Variants in NBAS observed in about 807,000 individuals in gnomAD.
NBAS encodes NBAS subunit of NRZ tethering complex, also known as NAG/BC035112 fusion.
A neutral mutation model predicts 302.5 loss-of-function variants in NBAS; 219 were observed. The ratio of observed to expected loss-of-function variants is 0.72; its 90% confidence interval spans 0.65 to 0.81. NBAS has a LOEUF of 0.81. NBAS is among the 30% of genes least tolerant of loss of function. NBAS has a pLI of 0.00. For missense variants in NBAS, 2,932 were observed against 2,841.6 expected, an observed-to-expected ratio of 1.03 and a Z score of -0.72; for synonymous variants, 1,118 against 1,021.6, an observed-to-expected ratio of 1.09 and a Z score of -1.80.
intron 14 of NBAS, among the ~76,000 whole-genome samples, chr2:15,475,170 A>C (rs1242246779): frequency 6.6e-6 from 1 of 152,214 alleles, no homozygotes; most frequent in Non-Finnish European, 1.5e-5. Context: ...ACTTCAGAGT[A>C]AAAAATATGT....
intron 25 of NBAS, among the ~76,000 whole-genome samples, chr2:15,414,924 G>GA (rs1178648050): frequency 6.6e-6 from 1 of 152,108 alleles, no homozygotes; most frequent in Non-Finnish European, 1.5e-5. Context: ...CAGCCTGGCC[G>GA]AAAGAGCGAG....
At chr2:15,201,932 G>C (rs531823331) in intron 48 of NBAS, among the ~76,000 whole-genome samples, 1 of 152,260 alleles carries the variant, frequency 6.6e-6, no homozygotes, top group African/African-American at 2.4e-5. Flanking sequence ...GTCCTGACCA[G>C]GAAGAAAGAG....
At chr2:15,205,612 A>T (rs1272125573) in intron 48 of NBAS, among the ~76,000 whole-genome samples, 1 of 152,176 alleles carries the variant, frequency 6.6e-6, no homozygotes, top group Non-Finnish European at 1.5e-5. Context: ...CAGGAGTTGG[A>T]TTGGCTCTGT....
chr2:15,196,897 C>T (rs528473889), intron 48 of NBAS, among the ~76,000 whole-genome samples: 1 of 152,238 alleles, frequency 6.6e-6, no homozygotes, highest in East Asian at 1.9e-4. Flanking sequence ...ACAGATGGGT[C>T]TGTATTTGGT....
At position 15,475,871 on chromosome 2, in the gene NBAS, G is replaced by T. The variant is rs748676662; in HGVS notation, c.1157C>A (p.Ser386Tyr). 1 of 1,612,962 alleles carries T rather than the reference G, an allele frequency of 6.2e-7. No individual in the cohort carries two copies. Among genetic ancestry groups the T allele is most frequent in the Non-Finnish European group, 8.5e-7 (1 of 1,179,222 alleles). Reference sequence around the variant, plus strand: ...ATTGACATCTATCAGTGGGTAAAAGGACTCTTTATCTAAGAAGCGAAAAAC... The same window carrying T: ...ATTGACATCTATCAGTGGGTAAAAGTACTCTTTATCTAAGAAGCGAAAAAC... Reference protein sequence around the residue: ...EKRKKIKDKESFYPLIDVNWW... With the variant: ...EKRKKIKDKEYFYPLIDVNWW... Residue 386 changes from serine to tyrosine, a missense_variant, in exon 14 of 52, where the codon TCC becomes TAC. Ser to Tyr is a moderately radical substitution (Grantham distance 144). Coordinates refer to ENST00000281513, the MANE Select transcript of NBAS (RefSeq NM_015909.4).
chr2:14,855,496 G>T, the NBAS span, among the ~76,000 whole-genome samples: 1 of 152,040 alleles, frequency 6.6e-6, no homozygotes, highest in South Asian at 2.1e-4. Context: ...TTCACTCTTG[G>T]ATGGCATTTC....
At chr2:15,526,777 T>C (rs1397202467) in intron 9 of NBAS, among the ~76,000 whole-genome samples, 1 of 152,094 alleles carries the variant, frequency 6.6e-6, no homozygotes, top group East Asian at 1.9e-4. Flanking sequence ...ATATCAAACT[T>C]TCCAGATGTT....
the NBAS span, among the ~76,000 whole-genome samples, chr2:14,920,778 C>G: frequency 2.6e-5 from 4 of 152,250 alleles, no homozygotes; most frequent in South Asian, 8.3e-4. Flanking sequence ...CCTCTCTGAG[C>G]CTTCATAGAA....
chr2:15,358,843 G>T (rs542067355), intron 32 of NBAS, among the ~76,000 whole-genome samples: 4 of 152,160 alleles, frequency 2.6e-5, no homozygotes, highest in East Asian at 1.9e-4. Context: ...TTAAATTTTT[G>T]ACTTTTTTTC....
intron 44 of NBAS, among the ~76,000 whole-genome samples, chr2:15,266,413 C>T (rs1669078881): frequency 6.6e-6 from 1 of 152,060 alleles, no homozygotes; most frequent in Non-Finnish European, 1.5e-5. Flanking sequence ...TGTCTGCTTT[C>T]CCAGTCTCCT....
At chr2:15,289,916 C>G (rs1287180785) in intron 41 of NBAS, among the ~76,000 whole-genome samples, 1 of 152,050 alleles carries the variant, frequency 6.6e-6, no homozygotes. Context: ...ATAATCACTT[C>G]AACCTGGGAG....
At chr2:15,402,450 T>C in intron 25 of NBAS, 149 bp from the exon 26 acceptor site, 1 of 761,140 alleles carries the variant, frequency 1.3e-6, no homozygotes, top group Non-Finnish European at 2.1e-6. Context: ...ATTTCTGGGG[T>C]CTTTAATAAT....
chr2:15,123,638 C>T, the NBAS span, among the ~76,000 whole-genome samples: 1 of 152,026 alleles, frequency 6.6e-6, no homozygotes, highest in Non-Finnish European at 1.5e-5. Context: ...TAAAAGAGCA[C>T]CTCCCTCCTC....
the NBAS span, among the ~76,000 whole-genome samples, chr2:14,829,190 G>T: frequency 6.6e-6 from 1 of 152,076 alleles, no homozygotes; most frequent in South Asian, 2.1e-4. Flanking sequence ...TAAGGGCTCA[G>T]GAGTCAGAAA....
intron 38 of NBAS, among the ~76,000 whole-genome samples, chr2:15,321,139 T>A (rs1026491102): frequency 3.9e-5 from 6 of 152,126 alleles, no homozygotes; most frequent in Non-Finnish European, 7.4e-5. Flanking sequence ...AAACAAGCAA[T>A]GGGGAAAGGA....
the NBAS span, among the ~76,000 whole-genome samples, chr2:15,154,815 T>TG: frequency 6.6e-6 from 1 of 152,076 alleles, no homozygotes. Flanking sequence ...CGTGAGGCTA[T>TG]AGGTGAGTGT....
At chr2:15,337,317 G>A (rs1214746219) in intron 35 of NBAS, among the ~76,000 whole-genome samples, 1 of 151,970 alleles carries the variant, frequency 6.6e-6, no homozygotes, top group Non-Finnish European at 1.5e-5. Context: ...AGGGTGGGAA[G>A]GAGGTGAGGG....
At chr2:15,503,537 A>G (rs1004848736) in intron 11 of NBAS, among the ~76,000 whole-genome samples, 1 of 152,020 alleles carries the variant, frequency 6.6e-6, no homozygotes, top group Non-Finnish European at 1.5e-5. Context: ...GTGTAGGTCA[A>G]GACTCTTGTG....
rs527290411 is a variant in NBAS, at chr2:15,560,871, G to A, written c.117+317C>T. On this transcript the variant is annotated intron_variant, in intron 1 of 51. Coordinates refer to ENST00000281513, the MANE Select transcript of NBAS (RefSeq NM_015909.4). Reference sequence around the variant, plus strand: ...GCCTTCCCCTCCTAATACAGAGAGCGACACTAACAATCCCCTCTCCTCCCA... The same window carrying A: ...GCCTTCCCCTCCTAATACAGAGAGCAACACTAACAATCCCCTCTCCTCCCA... Among the ~76,000 whole-genome samples the A allele has an allele frequency of 1.1e-4, 16 of 152,170 alleles. No homozygotes were observed. The East Asian group carries it at 3.1e-3, about 29-fold the overall frequency.
Sources: gnomAD v4.1 joint callset for allele counts (sites outside exome capture counted in the v4.1 genomes callset) on GRCh38, gnomAD v4.1.1 for gene constraint, MANE v1.5 for transcripts, NCBI Gene and HGNC (gene_info 2026-07-23, HGNC 2026-07-21) for gene names.